The following DGKI variants were observed in gnomAD, a reference collection of about 807,000 sequenced individuals.
DGKI encodes diacylglycerol kinase iota, also known as DAG kinase iota.
In DGKI, 55 loss-of-function variants were observed where a neutral mutation model predicts 147.5. The ratio of observed to expected loss-of-function variants is 0.37; its 90% CI spans 0.30 to 0.47. DGKI has a LOEUF of 0.47. Ranked by LOEUF, DGKI falls within the 20% of genes least tolerant of loss-of-function variation. DGKI has a pLI of 1.00. For missense variants in DGKI, 1,007 were observed against 1,323.8 expected (o/e 0.76, Z 3.71); for synonymous variants, 469 against 477.1 (o/e 0.98, Z 0.22).
chr7:137,620,993 T>C (rs1820729751), intron 7 of DGKI, among the ~76,000 whole-genome samples: 1 of 152,236 alleles, frequency 6.6e-6, no homozygotes, highest in Non-Finnish European at 1.5e-5. Context: ...AATAATTATG[T>C]TGAAAACACA....
chr7:137,695,178 C>G lies in DGKI; in HGVS notation c.402-5176G>C, dbSNP rs561481739. Among the ~76,000 whole-genome samples, 6 of 152,308 alleles carry G rather than the reference C, an allele frequency of 3.9e-5. No homozygotes were observed. In the South Asian group the frequency reaches 1.2e-3, roughly 32 times the overall value. On this transcript the variant is annotated intron_variant, in intron 1 of 32. Coordinates refer to ENST00000614521, the MANE Select transcript of DGKI (RefSeq NM_001321708.2). ...CATGGGGTTTAAGAATGAGTCCATT[C>G]AAAGCCCTCCAGGTATTTCTAATGT...
At chr7:137,411,277 T>C (rs1585087733) in intron 29 of DGKI, among the ~76,000 whole-genome samples, 2 of 152,176 alleles carry the variant, frequency 1.3e-5, no homozygotes, top group African/African-American at 4.8e-5. Context: ...ATCAGCCTGA[T>C]GCCTGAAAAC....
intron 19 of DGKI, among the ~76,000 whole-genome samples, chr7:137,562,776 T>TA (rs1341677368): frequency 3.3e-5 from 5 of 152,266 alleles, no homozygotes; most frequent in African/African-American, 9.6e-5. Context: ...TCTATATCTA[T>TA]ACTTGCCTTA....
chr7:137,780,024 AG>A (rs1298769327), intron 1 of DGKI, among the ~76,000 whole-genome samples: 1 of 152,222 alleles, frequency 6.6e-6, no homozygotes, highest in Non-Finnish European at 1.5e-5. Context: ...AGAGATGAGA[AG>A]GAAAACAATT....
intron 1 of DGKI, among the ~76,000 whole-genome samples, chr7:137,771,193 C>T (rs1470973167): frequency 6.6e-6 from 1 of 152,160 alleles, no homozygotes; most frequent in Non-Finnish European, 1.5e-5. Context: ...CGGGTTCAAG[C>T]GATTCTCCTG....
chr7:137,697,945 T>G (rs1163914847), intron 1 of DGKI, among the ~76,000 whole-genome samples: 1 of 151,646 alleles, frequency 6.6e-6, no homozygotes, highest in Non-Finnish European at 1.5e-5. Context: ...TATATAGCTA[T>G]CTATCTATCT....
At chr7:137,585,098 C>T (rs1319107233) in intron 14 of DGKI, 111 bp downstream of exon 14, 2 of 1,262,820 alleles carry the variant, frequency 1.6e-6, no homozygotes, top group African/African-American at 1.5e-5. Flanking sequence ...AATATTATCA[C>T]ATTATCTCAT....
chr7:137,425,307 A>G (rs1335767879), intron 28 of DGKI, among the ~76,000 whole-genome samples: 1 of 152,226 alleles, frequency 6.6e-6, no homozygotes, highest in Admixed American at 6.5e-5. Flanking sequence ...GTGGACCTCT[A>G]GCAAACTCCA....
At position 137,386,390 on chromosome 7, in the gene DGKI, C is replaced by T. The variant is rs1443132877; in HGVS notation, c.*4830G>A. Reference sequence around the variant, plus strand: ...CATTGTTGAATGAGGAAGCAGCAGCCGTGATTGTGTACCCTCATGGGACTA... The same window carrying T: ...CATTGTTGAATGAGGAAGCAGCAGCTGTGATTGTGTACCCTCATGGGACTA... On this transcript the variant is annotated 3_prime_UTR_variant, in exon 33 of 33. Coordinates refer to ENST00000614521, the MANE Select transcript of DGKI (RefSeq NM_001321708.2). 1.3e-5 allele frequency: 2 copies of T among 152,058 alleles called. No homozygotes were observed. Among genetic ancestry groups the T allele is most frequent in the Non-Finnish European group, 2.9e-5 (2 of 68,018 alleles). 9.4% of individuals were successfully genotyped at this position (152,058 alleles called of 1,614,324 possible).
At chr7:137,835,128 T>C (rs920673627) in intron 1 of DGKI, among the ~76,000 whole-genome samples, 7 of 152,238 alleles carry the variant, frequency 4.6e-5, no homozygotes, top group African/African-American at 1.4e-4. Flanking sequence ...AATTTTGTTC[T>C]ATACCATGTC....
intron 28 of DGKI, among the ~76,000 whole-genome samples, chr7:137,430,082 C>A (rs1454941746): frequency 8.4e-6 from 1 of 118,702 alleles, no homozygotes; most frequent in Non-Finnish European, 1.7e-5. Context: ...ATAAATCATG[C>A]TGCTATAAAG....
chr7:137,837,977 G>A (rs1798434687), intron 1 of DGKI, among the ~76,000 whole-genome samples: 1 of 150,888 alleles, frequency 6.6e-6, no homozygotes, highest in Non-Finnish European at 1.5e-5. Context: ...TTGAGAGGGG[G>A]CCAATTTAAA....
chr7:137,668,573 C>T (rs1254262794), intron 3 of DGKI, among the ~76,000 whole-genome samples: 1 of 152,210 alleles, frequency 6.6e-6, no homozygotes, highest in South Asian at 2.1e-4. Context: ...AGTTCAATCA[C>T]TTATCCTCAG....
At position 137,839,359 on chromosome 7, in the gene DGKI, T is replaced by C. The variant is rs76311040; in HGVS notation, c.401+7103A>G. Among the ~76,000 whole-genome samples the C allele has an allele frequency of 1.6e-4, 24 of 152,384 alleles. No individual in the cohort carries two copies. The East Asian group carries it at 4.6e-3, about 29-fold the overall frequency. ...GTCTATGTCTATCTCATTTTCATAT[T>C]ACCTGAATAATTTTATCACCAGCTG... On this transcript the variant is annotated intron_variant, in intron 1 of 32. Transcript: ENST00000614521.
rs2293545 is a variant in DGKI at position 137,465,949 on chromosome 7, T to C, written c.2571A>G (p.Thr857=). Residue 857 remains threonine (T), a synonymous_variant, in exon 26 of 33, where the codon ACA becomes ACG. Transcript: ENST00000614521. ...PDMVVSQPAG[T]PPGMPDLVVE... Reference sequence around the variant, plus strand: ...CCACCAGGTCAGGCATGCCCGGAGGTGTCCCCGCCGGCTGTGACACCACCA... The same window carrying C: ...CCACCAGGTCAGGCATGCCCGGAGGCGTCCCCGCCGGCTGTGACACCACCA... The C allele has an allele frequency of 0.054, 87,867 of 1,613,878 alleles. 3,005 individuals are homozygous for C. Among genetic ancestry groups the C allele is most frequent in the African/African-American group, 0.14 (10,165 of 74,962 alleles).
At chr7:137,824,296 A>C (rs1215685754) in intron 1 of DGKI, among the ~76,000 whole-genome samples, 1 of 152,120 alleles carries the variant, frequency 6.6e-6, no homozygotes, top group African/African-American at 2.4e-5. Context: ...GCGGGTGGAT[A>C]ACCTGAGGTC....
chr7:137,778,829 G>A (rs935478019), intron 1 of DGKI, among the ~76,000 whole-genome samples: 1 of 152,060 alleles, frequency 6.6e-6, no homozygotes, highest in African/African-American at 2.4e-5. Flanking sequence ...GAAAGTTAGG[G>A]GGAATATGTT....
At chr7:137,567,901 A>G (rs1445353775) in intron 19 of DGKI, among the ~76,000 whole-genome samples, 2 of 152,206 alleles carry the variant, frequency 1.3e-5, no homozygotes, top group Admixed American at 1.3e-4. Context: ...TATTGTATAT[A>G]CGTAATGTCT....
intron 27 of DGKI, among the ~76,000 whole-genome samples, chr7:137,445,756 G>C (rs1187689160): frequency 6.6e-6 from 1 of 152,084 alleles, no homozygotes; most frequent in Non-Finnish European, 1.5e-5. Flanking sequence ...GCAAGGAAAA[G>C]TCCTAGAGAC....
Sources: allele counts gnomAD v4.1 joint callset (sites outside exome capture counted in the v4.1 genomes callset), GRCh38; gene constraint gnomAD v4.1.1; transcripts MANE v1.5; gene names NCBI Gene and HGNC (gene_info 2026-07-23, HGNC 2026-07-21).